Variants in ST18 observed in about 807,000 individuals in gnomAD.
The protein encoded by ST18 is ST18 C2H2C-type zinc finger transcription factor, also known as suppression of tumorigenicity 18 protein.
Under a neutral mutation model 110.0 loss-of-function variants are expected in ST18, and 50 were observed. That is an observed-to-expected ratio of 0.45 (90% CI 0.36 to 0.58). The LOEUF is 0.58. ST18 is among the 20% of genes least tolerant of loss of function. The probability of loss-of-function intolerance (pLI) is 0.00; values close to 1 mark genes in which losing one functional copy is unlikely to be tolerated. For synonymous variants in ST18, 461 were observed against 452.4 expected (o/e 1.02, Z -0.24); for missense variants, 1,306 against 1,280.1 (o/e 1.02, Z -0.31).
At chr8:52,214,354 AGT>A (rs2083346155) in intron 6 of ST18, 97 bp from the exon 7 acceptor site, 4 of 1,323,282 alleles carry the variant, frequency 3.0e-6, no homozygotes, top group African/African-American at 1.4e-5. Context: ...TATGAAAAAC[AGT>A]AGCCTTCCAT....
In ST18 at chr8:52,362,415, A is replaced by T. The variant is rs376532486; in HGVS notation, c.-465+46913T>A. On this transcript the variant is annotated intron_variant, in intron 2 of 25. Transcript: ENST00000689386. The stretch of plus-strand genomic sequence containing the variant: ...TAGCCGTGGCTGCCAGGCTCCCTCC[A>T]TTCAAATGCTGTTTTCATCAACTGG... Among the ~76,000 whole-genome samples the T allele has an allele frequency of 2.4e-4, 36 of 152,318 alleles. No individual in the cohort carries two copies. The East Asian group carries it at 4.6e-3, about 20-fold the overall frequency.
chr8:52,184,981 A>C (rs1210421239), intron 8 of ST18, among the ~76,000 whole-genome samples: 1 of 152,152 alleles, frequency 6.6e-6, no homozygotes, highest in African/African-American at 2.4e-5. Flanking sequence ...AAAAGAAACA[A>C]AGTAACAAAG....
rs1590193064 is a variant in ST18 at position 52,355,507 on chromosome 8, C to A, written c.-465+53821G>T. ...TTACTAAAAAAGGAGACATAAAGCT[C>A]GGTTCAAAATGACAGAGGTGGGAAC... On this transcript the variant is annotated intron_variant, in intron 2 of 25. Coordinates refer to ENST00000689386, the MANE Select transcript of ST18 (RefSeq NM_001352837.2). 2.6e-5 allele frequency among the ~76,000 whole-genome samples: 4 copies of A among 152,194 alleles called. No homozygotes were observed. The South Asian group carries it at 8.3e-4, about 32-fold the overall frequency.
chr8:52,284,461 G>A (rs1248655085), intron 2 of ST18, among the ~76,000 whole-genome samples: 1 of 152,190 alleles, frequency 6.6e-6, no homozygotes, highest in Admixed American at 6.5e-5. Context: ...TGACCGATGT[G>A]TCTCCAAGTG....
At chr8:52,158,749 G>T in intron 15 of ST18, 149 bp downstream of exon 15, 2 of 850,828 alleles carry the variant, frequency 2.4e-6, no homozygotes, top group Non-Finnish European at 1.9e-6. Flanking sequence ...CCCTGCCTGC[G>T]TTCCTCTGAG....
chr8:52,285,436 G>T (rs1589615507), intron 2 of ST18, among the ~76,000 whole-genome samples: 1 of 152,158 alleles, frequency 6.6e-6, no homozygotes, highest in Admixed American at 6.5e-5. Context: ...GAATTGCCTT[G>T]TGTTTTCCTT....
At chr8:52,142,882 A>T (rs1442887501) in intron 17 of ST18, 48 bp downstream of exon 17, 18 of 1,344,524 alleles carry the variant, frequency 1.3e-5, no homozygotes, top group Non-Finnish European at 1.9e-5. Flanking sequence ...CATGAACTTG[A>T]ATCTTCATTC....
intron 7 of ST18, 59 bp from the exon 8 acceptor site, chr8:52,212,168 A>G (rs2082397769): frequency 6.5e-7 from 1 of 1,536,648 alleles, no homozygotes; most frequent in Non-Finnish European, 8.8e-7. Context: ...TCAAAACTGT[A>G]TAATGGAAAC....
At chr8:52,221,142 C>G (rs1045029738) in intron 4 of ST18, among the ~76,000 whole-genome samples, 7 of 150,012 alleles carry the variant, frequency 4.7e-5, no homozygotes, top group Non-Finnish European at 1.0e-4. Flanking sequence ...TATCTACCTA[C>G]CACTCTATTA....
chr8:52,150,119 G>A, intron 15 of ST18, 142 bp from the exon 16 acceptor site: 2 of 1,205,100 alleles, frequency 1.7e-6, no homozygotes, highest in Non-Finnish European at 2.3e-6. Flanking sequence ...GATTTGCGTT[G>A]GGTAATGTTC....
In ST18 at chr8:52,172,077, C is replaced by A; in HGVS notation, c.784G>T (p.Ala262Ser). ...TTGCCATCCAGGGGTTCTGCGAGAG[C>A]ATTCTGCGGGTCTTTCCTTTCTGTT... ...SETERKDPQN[A>S]LAEPLDGNAQ... is the part of the protein sequence containing the mutation. Residue 262 changes from alanine to serine, a missense_variant, in exon 10 of 26, where the codon GCT becomes TCT. Physicochemically the swap from Ala to Ser is moderately conservative, Grantham distance 99 (BLOSUM62 1). Coordinates refer to ENST00000689386, the MANE Select transcript of ST18 (RefSeq NM_001352837.2). The A allele has an allele frequency of 1.9e-6, 3 of 1,614,222 alleles. No homozygotes were observed. The highest frequency in any genetic ancestry group is 2.5e-6 in the Non-Finnish European group (3 of 1,180,044).
chr8:52,286,267 A>T (rs1002040173), intron 2 of ST18, among the ~76,000 whole-genome samples: 3 of 152,158 alleles, frequency 2.0e-5, no homozygotes, highest in African/African-American at 7.2e-5. Flanking sequence ...AGGAAATAAC[A>T]TTGTATTTTG....
chr8:52,131,667 G>A (rs1186186656), intron 22 of ST18, among the ~76,000 whole-genome samples: 2 of 152,196 alleles, frequency 1.3e-5, no homozygotes, highest in African/African-American at 4.8e-5. Context: ...ACCATTAAAT[G>A]ACTGAACCGT....
intron 2 of ST18, among the ~76,000 whole-genome samples, chr8:52,307,195 A>G (rs965557510): frequency 2.0e-5 from 3 of 152,122 alleles, no homozygotes; most frequent in Admixed American, 1.3e-4. Flanking sequence ...TAAGAAGAAA[A>G]TATACCAGAG....
rs550761874 is a variant in ST18 at position 52,166,296 on chromosome 8, C to T, written c.1204+556G>A. 6.6e-5 allele frequency among the ~76,000 whole-genome samples: 10 copies of T among 152,350 alleles called. No homozygotes were observed. In the East Asian group the frequency reaches 1.5e-3, roughly 23 times the overall value. On this transcript the variant is annotated intron_variant, in intron 11 of 25. Transcript: ENST00000689386. ...CCAGAGAGAATGAACAACTTTCCCA[C>T]AAGCACACTTTAAAAATGCAATCCA...
intron 16 of ST18, among the ~76,000 whole-genome samples, chr8:52,148,107 T>G (rs1021131896): frequency 6.6e-6 from 1 of 151,676 alleles, no homozygotes; most frequent in Non-Finnish European, 1.5e-5. Flanking sequence ...TGGGGAAAGA[T>G]GCACACTTGC....
chr8:52,309,955 G>T (rs1368422948), intron 2 of ST18, among the ~76,000 whole-genome samples: 1 of 152,178 alleles, frequency 6.6e-6, no homozygotes, highest in Non-Finnish European at 1.5e-5. Flanking sequence ...TATGTTACGT[G>T]CATCATGTAT....
At chr8:52,394,831 A>G (rs923394813) in intron 2 of ST18, among the ~76,000 whole-genome samples, 1 of 152,246 alleles carries the variant, frequency 6.6e-6, no homozygotes, top group Non-Finnish European at 1.5e-5. Flanking sequence ...TGCTAAATGA[A>G]TGAAAATTTT....
chr8:52,235,865 A>G (rs2092575933), intron 2 of ST18, among the ~76,000 whole-genome samples: 1 of 152,216 alleles, frequency 6.6e-6, no homozygotes, highest in Non-Finnish European at 1.5e-5. Context: ...AAGGACCGCC[A>G]CTGCCAGATC....
Sources: gnomAD v4.1 joint callset for allele counts (sites outside exome capture counted in the v4.1 genomes callset) on GRCh38, gnomAD v4.1.1 for gene constraint, MANE v1.5 for transcripts, NCBI Gene and HGNC (gene_info 2026-07-23, HGNC 2026-07-21) for gene names.